KHDRBS2: variants seen among roughly 807,000 people sequenced by gnomAD.
KHDRBS2 encodes KH domain-containing, RNA-binding, signal transduction-associated protein 2.
In KHDRBS2, 26 loss-of-function variants were observed where a neutral mutation model predicts 44.3. The observed-to-expected ratio is 0.59, with a 90% CI of 0.43 to 0.81. The LOEUF (loss-of-function observed/expected upper bound fraction) is 0.81, where lower values mean the gene tolerates loss of function less well. KHDRBS2 is among the 40% of genes least tolerant of loss of function. The pLI is 0.00. For missense variants in KHDRBS2, 476 were observed against 433.1 expected (o/e 1.10, Z -0.88); for synonymous variants, 194 against 151.1 (o/e 1.28, Z -2.08).
intron 1 of KHDRBS2, among the ~76,000 whole-genome samples, chr6:62,194,305 AC>A (rs1825187885): frequency 6.6e-6 from 1 of 151,680 alleles, no homozygotes; most frequent in Admixed American, 6.6e-5. Context: ...CTGTCCTACC[AC>A]CACTTGTTGA....
chr6:61,882,777 G>A (rs548153845), intron 6 of KHDRBS2, among the ~76,000 whole-genome samples: 1 of 151,940 alleles, frequency 6.6e-6, no homozygotes, highest in East Asian at 1.9e-4. Context: ...AACAGAAAAG[G>A]CCCAAAATGT....
chr6:61,641,177 T>A, the KHDRBS2 span, among the ~76,000 whole-genome samples: 1 of 152,180 alleles, frequency 6.6e-6, no homozygotes, highest in Admixed American at 6.6e-5. Context: ...AAGTTCTGTA[T>A]CAGTCTCTTG....
chr6:61,722,437 C>T (rs1772779841), intron 7 of KHDRBS2, among the ~76,000 whole-genome samples: 1 of 152,120 alleles, frequency 6.6e-6, no homozygotes, highest in Non-Finnish European at 1.5e-5. Flanking sequence ...CCTCTAGAAT[C>T]TCTACTGAGG....
the KHDRBS2 span, among the ~76,000 whole-genome samples, chr6:61,662,521 G>C: frequency 6.6e-6 from 1 of 151,942 alleles, no homozygotes; most frequent in Admixed American, 6.6e-5. Flanking sequence ...CTAATATCCA[G>C]AATCTACAAT....
intron 1 of KHDRBS2, among the ~76,000 whole-genome samples, chr6:62,241,741 G>T (rs543406806): frequency 0.013 from 1,964 of 152,122 alleles, 34 homozygotes; most frequent in African/African-American, 0.045. Flanking sequence ...TGATGCCTGG[G>T]ACATAGTTAT....
At chr6:61,644,627 C>T in the KHDRBS2 span, among the ~76,000 whole-genome samples, 1 of 151,926 alleles carries the variant, frequency 6.6e-6, no homozygotes, top group Non-Finnish European at 1.5e-5. Context: ...AAAAACAACC[C>T]CTTTAAAAAG....
intron 6 of KHDRBS2, among the ~76,000 whole-genome samples, chr6:61,886,804 T>A (rs1403412761): frequency 6.6e-6 from 1 of 152,186 alleles, no homozygotes; most frequent in African/African-American, 2.4e-5. Flanking sequence ...ACTAATGCTA[T>A]CTCTCCCACT....
At chr6:62,096,680 ATT>A (rs1241136724) in intron 2 of KHDRBS2, among the ~76,000 whole-genome samples, 1 of 151,602 alleles carries the variant, frequency 6.6e-6, no homozygotes, top group Non-Finnish European at 1.5e-5. Context: ...CATTTAATTG[ATT>A]TTTTTGTATA....
At chr6:61,940,013 T>A (rs1402699172) in intron 4 of KHDRBS2, among the ~76,000 whole-genome samples, 1 of 152,122 alleles carries the variant, frequency 6.6e-6, no homozygotes, top group Non-Finnish European at 1.5e-5. Context: ...CTGCTCATGA[T>A]GATATTAAGT....
At chr6:61,717,736 C>T (rs1330879320) in intron 7 of KHDRBS2, among the ~76,000 whole-genome samples, 6 of 152,200 alleles carry the variant, frequency 3.9e-5, no homozygotes, top group Middle Eastern at 6.8e-3. Flanking sequence ...TAAGGACTTA[C>T]ATTAAACATA....
At chr6:61,719,826 G>A (rs182450078) in intron 7 of KHDRBS2, among the ~76,000 whole-genome samples, 13 of 151,862 alleles carry the variant, frequency 8.6e-5, no homozygotes, top group Non-Finnish European at 1.5e-4. Flanking sequence ...TGTGCATAAT[G>A]TGCAGGTTAG....
At chr6:61,637,588 AG>A in the KHDRBS2 span, among the ~76,000 whole-genome samples, 2 of 152,128 alleles carry the variant, frequency 1.3e-5, no homozygotes, top group Non-Finnish European at 2.9e-5. Flanking sequence ...TTCTAGTTCT[AG>A]ATCCCTGAAG....
At chr6:62,256,969 A>T (rs1837489386) in intron 1 of KHDRBS2, among the ~76,000 whole-genome samples, 1 of 152,118 alleles carries the variant, frequency 6.6e-6, no homozygotes, top group African/African-American at 2.4e-5. Flanking sequence ...AGCCTCGGCT[A>T]TCTCACTAAG....
At chr6:62,054,756 A>C (rs1789882842) in intron 2 of KHDRBS2, among the ~76,000 whole-genome samples, 2 of 152,054 alleles carry the variant, frequency 1.3e-5, no homozygotes, top group Admixed American at 1.3e-4. Flanking sequence ...AAAGGAATGC[A>C]ACCCTGCAGA....
chr6:61,670,304 A>T, the KHDRBS2 span, among the ~76,000 whole-genome samples: 4 of 151,384 alleles, frequency 2.6e-5, no homozygotes, highest in Non-Finnish European at 5.9e-5. Flanking sequence ...AAGTTATGCC[A>T]ATTTGTGCTT....
chr6:62,001,161 T>C (rs947269864), intron 3 of KHDRBS2, among the ~76,000 whole-genome samples: 3 of 152,120 alleles, frequency 2.0e-5, no homozygotes, highest in Admixed American at 6.6e-5. Flanking sequence ...GTAAAACAGA[T>C]AAGCAATTTA....
chr6:62,086,405 G>C (rs1798385353), intron 2 of KHDRBS2, among the ~76,000 whole-genome samples: 1 of 152,166 alleles, frequency 6.6e-6, no homozygotes, highest in Non-Finnish European at 1.5e-5. Flanking sequence ...GACAGTGGGA[G>C]ATGCAAAATT....
At chr6:62,186,178 A>G (rs910150386) in intron 1 of KHDRBS2, among the ~76,000 whole-genome samples, 1 of 152,030 alleles carries the variant, frequency 6.6e-6, no homozygotes, top group African/African-American at 2.4e-5. Flanking sequence ...GCAATGATCA[A>G]TTTCTGCACA....
At chr6:61,795,865 T>G (rs2127587372) in intron 6 of KHDRBS2, among the ~76,000 whole-genome samples, 1 of 152,232 alleles carries the variant, frequency 6.6e-6, no homozygotes, top group African/African-American at 2.4e-5. Flanking sequence ...GCTGAAATAA[T>G]AAGAGTTATA....
Sources: allele counts gnomAD v4.1 joint callset (sites outside exome capture counted in the v4.1 genomes callset), GRCh38; gene constraint gnomAD v4.1.1; transcripts MANE v1.5; gene names NCBI Gene and HGNC (gene_info 2026-07-23, HGNC 2026-07-21).